Variants in GABRR3 observed in about 807,000 individuals in gnomAD.
GABRR3 encodes gamma-aminobutyric acid receptor subunit rho-3.
GABRR3 carries 29 observed loss-of-function variants against 43.2 expected under a neutral mutation model. That is an observed-to-expected ratio of 0.67 (90% confidence interval 0.50 to 0.92). The LOEUF (loss-of-function observed/expected upper bound fraction) is 0.92, where lower values mean the gene tolerates loss of function less well. Ranked by LOEUF, GABRR3 falls within the 40% of genes least tolerant of loss-of-function variation. The pLI, the probability that GABRR3 is intolerant of heterozygous loss-of-function variation, is 0.00. For missense variants in GABRR3, 576 were observed against 572.3 expected (o/e 1.01, Z -0.07); for synonymous variants, 206 against 195.9 (o/e 1.05, Z -0.43).
intron 9 of GABRR3, 63 bp downstream of exon 9, chr3:97,992,789 A>G (rs984651499): frequency 4.2e-6 from 6 of 1,428,720 alleles, no homozygotes; most frequent in Middle Eastern, 1.8e-4. Context: ...AAGAGAGGGC[A>G]ATAGATAAGG....
intron 7 of GABRR3, among the ~76,000 whole-genome samples, chr3:98,002,195 C>A (rs1032413033): frequency 6.6e-6 from 1 of 152,090 alleles, no homozygotes; most frequent in Non-Finnish European, 1.5e-5. Flanking sequence ...AGAGTATGTA[C>A]TAGGTCATTG....
At chr3:98,014,037 G>A (rs1004725894) in intron 4 of GABRR3, among the ~76,000 whole-genome samples, 1 of 152,134 alleles carries the variant, frequency 6.6e-6, no homozygotes, top group African/African-American at 2.4e-5. Context: ...TGAGAGAGTA[G>A]AAAGATGATA....
At chr3:98,025,588 C>T (rs201846184) in exon 3 of GABRR3, 57 of 1,610,000 alleles carry the variant, frequency 3.5e-5, no homozygotes, top group Middle Eastern at 1.6e-4. Context: ...GGTCTCATTG[C>T]GAAATCGTTG....
chr3:98,016,332 C>A (rs750386283), intron 4 of GABRR3, among the ~76,000 whole-genome samples: 5 of 152,252 alleles, frequency 3.3e-5, no homozygotes, highest in Non-Finnish European at 7.4e-5. Flanking sequence ...TTCACCCCTG[C>A]CACCTGGAGC....
exon 10 of GABRR3, chr3:97,986,797 T>C: frequency 6.2e-7 from 1 of 1,611,682 alleles, no homozygotes; most frequent in Non-Finnish European, 8.5e-7. Flanking sequence ...TACCAACATG[T>C]CCTCCTAGGG....
intron 9 of GABRR3, among the ~76,000 whole-genome samples, chr3:97,991,431 T>C (rs1003306143): frequency 6.6e-6 from 1 of 152,238 alleles, no homozygotes; most frequent in African/African-American, 2.4e-5. Flanking sequence ...CATACTGCTC[T>C]AACAGCTCCT....
chr3:98,004,426 G>C (rs896821949), intron 7 of GABRR3, among the ~76,000 whole-genome samples: 2 of 152,142 alleles, frequency 1.3e-5, no homozygotes, highest in Non-Finnish European at 1.5e-5. Context: ...AAATGATAGA[G>C]ACAGGGTTTG....
intron 8 of GABRR3, among the ~76,000 whole-genome samples, chr3:97,995,502 A>G (rs1391027713): frequency 6.6e-6 from 1 of 152,184 alleles, no homozygotes; most frequent in East Asian, 1.9e-4. Flanking sequence ...GCAATAAACT[A>G]TTAATCATTT....
intron 2 of GABRR3, among the ~76,000 whole-genome samples, chr3:98,028,103 T>A (rs1268412997): frequency 6.6e-6 from 1 of 152,116 alleles, no homozygotes; most frequent in Non-Finnish European, 1.5e-5. Context: ...TATTGATACT[T>A]ATTAAAATTA....
intron 7 of GABRR3, 102 bp downstream of exon 7, chr3:98,007,662 G>A: frequency 7.9e-7 from 1 of 1,260,978 alleles, no homozygotes; most frequent in Admixed American, 1.9e-5. Flanking sequence ...GCTGGCCAAA[G>A]GGGACACTCG....
chr3:98,033,385 A>G (rs1405269504), intron 2 of GABRR3, among the ~76,000 whole-genome samples: 1 of 152,150 alleles, frequency 6.6e-6, no homozygotes, highest in East Asian at 1.9e-4. Context: ...TCCTTTACAT[A>G]GGATCTAAAA....
At chr3:98,028,416 A>T (rs542071885) in intron 2 of GABRR3, among the ~76,000 whole-genome samples, 2 of 152,374 alleles carry the variant, frequency 1.3e-5, no homozygotes, top group African/African-American at 4.8e-5. Flanking sequence ...TTCAACAATC[A>T]GTTTAATTAT....
Position 98,034,968 on chromosome 3 carries a change from A to G in GABRR3, c.20T>C (p.Leu7Ser), listed in dbSNP as rs1210908538. 1.9e-6 allele frequency: 3 copies of G among 1,612,678 alleles called. No individual in the cohort carries two copies. In the South Asian group the frequency reaches 3.3e-5, roughly 18 times the overall value. The change falls in exon 2 of 10, where the codon TTA becomes TCA. Residue 7 changes from leucine to serine, a missense_variant. Leu to Ser is a moderately radical substitution (Grantham distance 145, BLOSUM62 -2). Coordinates refer to ENST00000621172, the Ensembl canonical transcript of GABRR3. Reference sequence around the variant, plus strand: ...GATCCAGATGTAGGTGAAGGAGACTAACTGGAAAGCCAGGACCATCTCTTC... The same window carrying G: ...GATCCAGATGTAGGTGAAGGAGACTGACTGGAAAGCCAGGACCATCTCTTC...
intron 2 of GABRR3, 104 bp downstream of exon 2, chr3:98,034,759 A>T: frequency 7.4e-7 from 1 of 1,346,994 alleles, no homozygotes. Flanking sequence ...GGTTACAAAG[A>T]TGTGCTACCA....
At chr3:98,008,742 CT>C (rs60099312) in intron 6 of GABRR3, among the ~76,000 whole-genome samples, 111,404 of 148,714 alleles carry the variant, frequency 0.75, 42,636 homozygotes, top group East Asian at 0.99. Context: ...CACTTTTCCC[CT>C]GAACCTTCTC....
exon 4 of GABRR3, chr3:98,017,692 T>G (rs1038491451): frequency 1.9e-6 from 3 of 1,611,298 alleles, no homozygotes; most frequent in African/African-American, 2.7e-5. Flanking sequence ...GCTTTCAACA[T>G]GGACATCTAT....
chr3:98,016,110 A>C (rs927331936), intron 4 of GABRR3, among the ~76,000 whole-genome samples: 3 of 152,050 alleles, frequency 2.0e-5, no homozygotes, highest in Non-Finnish European at 4.4e-5. Flanking sequence ...TATCACAAGA[A>C]CAGCATGGGG....
At chr3:98,012,693 G>A in intron 4 of GABRR3, 126 bp from the exon 5 acceptor site, 2 of 633,320 alleles carry the variant, frequency 3.2e-6, no homozygotes, top group Non-Finnish European at 5.5e-6. Flanking sequence ...GGTTAATATT[G>A]TAGTTTCAAG....
chr3:98,015,030 A>G (rs908763490), intron 4 of GABRR3, among the ~76,000 whole-genome samples: 1 of 152,246 alleles, frequency 6.6e-6, no homozygotes, highest in Non-Finnish European at 1.5e-5. Flanking sequence ...TTTTATAAGA[A>G]CACACATGTA....
Sources: allele counts gnomAD v4.1 joint callset (sites outside exome capture counted in the v4.1 genomes callset), GRCh38; gene constraint gnomAD v4.1.1; transcripts MANE v1.5; gene names NCBI Gene and HGNC (gene_info 2026-07-23, HGNC 2026-07-21).